CCNH: variants seen among roughly 807,000 people sequenced by gnomAD.
CCNH encodes the protein cyclin H, also known as cyclin-H.
In CCNH, 31 loss-of-function variants were observed where a neutral mutation model predicts 41.9. That is an observed-to-expected ratio of 0.74 (90% confidence interval 0.56 to 1.00). The LOEUF is 1.00. Among genes scored for constraint, CCNH ranks in the 50% least tolerant of loss-of-function variants. The pLI is 0.00. For synonymous variants in CCNH, 138 were observed against 136.1 expected (o/e 1.01, Z -0.10); for missense variants, 362 against 388.4 (o/e 0.93, Z 0.57).
intron 9 of CCNH, among the ~76,000 whole-genome samples, chr5:87,342,965 T>C (rs1043067275): frequency 6.6e-6 from 1 of 152,214 alleles, no homozygotes; most frequent in Non-Finnish European, 1.5e-5. Flanking sequence ...GGAAGTCTTT[T>C]TATCTGATAG....
intron 9 of CCNH, among the ~76,000 whole-genome samples, chr5:87,327,766 A>C (rs1580271056): frequency 6.6e-6 from 1 of 152,104 alleles, no homozygotes; most frequent in Non-Finnish European, 1.5e-5. Flanking sequence ...GTAGCTCGGG[A>C]CCAGCCTGGC....
upstream of CCNH, chr5:87,379,775 C>A (rs184201084): frequency 4.6e-4 from 736 of 1,612,684 alleles, 9 homozygotes; most frequent in East Asian, 0.011. Flanking sequence ...GATGTGAACA[C>A]TAATTTAACA....
chr5:87,372,263 AT>A, downstream of CCNH: 2 of 1,430,638 alleles, frequency 1.4e-6, no homozygotes, highest in Non-Finnish European at 2.0e-6. Flanking sequence ...TTTTTATTTT[AT>A]TTTTATCTGA....
At chr5:87,350,994 A>ATTGT (rs1201542020) in intron 9 of CCNH, among the ~76,000 whole-genome samples, 2 of 151,662 alleles carry the variant, frequency 1.3e-5, no homozygotes, top group African/African-American at 4.8e-5. Context: ...CTTTGTGCTT[A>ATTGT]TTGTTTATTG....
At chr5:87,342,070 C>G (rs1001570114) in intron 9 of CCNH, among the ~76,000 whole-genome samples, 1 of 151,994 alleles carries the variant, frequency 6.6e-6, no homozygotes, top group African/African-American at 2.4e-5. Flanking sequence ...AAAATAGATT[C>G]CATTAGTGAG....
downstream of CCNH, among the ~76,000 whole-genome samples, chr5:87,390,207 C>CT (rs1377825719): frequency 1.3e-5 from 2 of 152,298 alleles, no homozygotes; most frequent in East Asian, 3.9e-4. Context: ...ATGAGTTACA[C>CT]TTTGAATGTC....
chr5:87,386,137 A>G (rs964242619), intron 9 of CCNH, among the ~76,000 whole-genome samples: 7 of 151,990 alleles, frequency 4.6e-5, no homozygotes, highest in African/African-American at 1.4e-4. Context: ...TTGGATAGGC[A>G]TAATATTTTG....
In CCNH at chr5:87,412,749, C is replaced by T. The variant is rs2112590041; in HGVS notation, c.46G>A (p.Glu16Lys). 1 of 1,614,210 alleles carries T rather than the reference C, an allele frequency of 6.2e-7. No homozygotes were observed. Among genetic ancestry groups the T allele is most frequent in the South Asian group, 1.1e-5 (1 of 91,078 alleles). Residue 16 changes from glutamate (E) to lysine (K), a missense_variant, in exon 1 of 9, where the codon GAG becomes AAG. Physicochemically the swap from Glu to Lys is moderately conservative, Grantham distance 56. Transcript: ENST00000256897. ...SQKRHWTFSS[E>K]EQLARLRADA... ...GCCCGCAGTCTTGCCAGCTGCTCCT[C>T]GCTGGAGAAGGTCCAGTGCCGCTTC... is the stretch of plus-strand genomic sequence containing the variant.
chr5:87,358,244 A>C (rs1580345266), intron 9 of CCNH, among the ~76,000 whole-genome samples: 2 of 152,176 alleles, frequency 1.3e-5, no homozygotes, highest in East Asian at 3.9e-4. Context: ...CATTAGACAA[A>C]AAGGGTCCTT....
intron 9 of CCNH, among the ~76,000 whole-genome samples, chr5:87,349,846 C>T (rs1759128707): frequency 6.6e-6 from 1 of 151,808 alleles, no homozygotes; most frequent in African/African-American, 2.4e-5. Flanking sequence ...AAAGTAAACT[C>T]ATTGTTTGTC....
downstream of CCNH, among the ~76,000 whole-genome samples, chr5:87,390,577 C>CACAA (rs750055808): frequency 1.3e-5 from 2 of 152,108 alleles, no homozygotes; most frequent in Non-Finnish European, 2.9e-5. Context: ...GCATGCCAAA[C>CACAA]ACAAACAAAT....
At chr5:87,348,211 TAAG>T (rs1759000462) in intron 9 of CCNH, among the ~76,000 whole-genome samples, 1 of 152,042 alleles carries the variant, frequency 6.6e-6, no homozygotes, top group South Asian at 2.1e-4. Flanking sequence ...AGATTCAGTT[TAAG>T]GAGATTTATT....
chr5:87,317,991 T>C (rs1756476627), downstream of CCNH, among the ~76,000 whole-genome samples: 2 of 152,158 alleles, frequency 1.3e-5, no homozygotes, highest in Non-Finnish European at 2.9e-5. Context: ...GCTTTGCCTT[T>C]TCAAATATCC....
exon 1 of CCNH, chr5:87,376,824 A>G: frequency 6.7e-7 from 1 of 1,502,630 alleles, no homozygotes; most frequent in African/African-American, 1.4e-5. Context: ...TGTTAGTCTC[A>G]TGGAGCATGC....
intron 5 of CCNH, among the ~76,000 whole-genome samples, chr5:87,404,407 C>T (rs1424199237): frequency 6.6e-6 from 1 of 152,148 alleles, no homozygotes; most frequent in African/African-American, 2.4e-5. Flanking sequence ...CCTCAAAGGT[C>T]ATAAATTGAG....
chr5:87,351,414 G>T lies in CCNH; in HGVS notation c.*91-32517C>A, dbSNP rs186485358. ...GGGAATCAATAAATGAGAGTTCAGT[G>T]GGGGGTGAGAAGGAAGACAATGGAT... On this transcript the variant is annotated intron_variant and NMD_transcript_variant, in intron 9 of 9. Coordinates refer to the CCNH transcript ENST00000645953. 2.0e-5 allele frequency among the ~76,000 whole-genome samples: 3 copies of T among 151,802 alleles called. No homozygotes were observed. The East Asian group carries it at 5.8e-4, about 29-fold the overall frequency.
intron 9 of CCNH, among the ~76,000 whole-genome samples, chr5:87,366,874 A>AT (rs1760563503): frequency 6.6e-6 from 1 of 152,126 alleles, no homozygotes; most frequent in Non-Finnish European, 1.5e-5. Context: ...TCTTTAAAAA[A>AT]TTAAAAAATT....
At chr5:87,342,858 T>C (rs981962586) in intron 9 of CCNH, among the ~76,000 whole-genome samples, 5 of 152,158 alleles carry the variant, frequency 3.3e-5, no homozygotes, top group Non-Finnish European at 7.3e-5. Context: ...ATAATAGCAA[T>C]GGAATTTTAA....
chr5:87,357,005 T>G (rs1051510832), intron 9 of CCNH, among the ~76,000 whole-genome samples: 2 of 152,204 alleles, frequency 1.3e-5, no homozygotes, highest in African/African-American at 2.4e-5. Flanking sequence ...ATTGAATGAA[T>G]GATTCTCTGC....
Sources: allele counts gnomAD v4.1 joint callset (sites outside exome capture counted in the v4.1 genomes callset), GRCh38; gene constraint gnomAD v4.1.1; transcripts MANE v1.5; gene names NCBI Gene and HGNC (gene_info 2026-07-23, HGNC 2026-07-21).